Variants in GAP43 observed in about 807,000 individuals in gnomAD.
GAP43 encodes growth associated protein 43.
A neutral mutation model predicts 18.6 loss-of-function variants in GAP43; 6 were observed. The observed-to-expected ratio is 0.32, with a 90% CI of 0.18 to 0.64. GAP43 has a LOEUF of 0.64. Among genes scored for constraint, GAP43 ranks in the 30% least tolerant of loss-of-function variants. The pLI is 0.78. For synonymous variants in GAP43, 115 were observed against 111.4 expected, an observed-to-expected ratio of 1.03 and a Z score of -0.20; for missense variants, 292 against 295.5, an observed-to-expected ratio of 0.99 and a Z score of 0.09.
At chr3:115,656,381 T>C (rs896565416) in intron 1 of GAP43, among the ~76,000 whole-genome samples, 1 of 152,090 alleles carries the variant, frequency 6.6e-6, no homozygotes, top group Non-Finnish European at 1.5e-5. Context: ...CTAAGGACCA[T>C]AGATGCAGCC....
At chr3:115,648,632 G>A (rs1424141566) in intron 1 of GAP43, among the ~76,000 whole-genome samples, 5 of 152,084 alleles carry the variant, frequency 3.3e-5, no homozygotes, top group Admixed American at 2.6e-4. Context: ...GTCCAGAAGT[G>A]GAGGCAGAGG....
intron 2 of GAP43, among the ~76,000 whole-genome samples, chr3:115,710,066 CTGTG>C (rs1298435003): frequency 6.6e-6 from 1 of 152,098 alleles, no homozygotes; most frequent in Non-Finnish European, 1.5e-5. Context: ...ATTGGCACTC[CTGTG>C]AGTTCACTGT....
intron 2 of GAP43, among the ~76,000 whole-genome samples, chr3:115,683,694 T>TA (rs1255970445): frequency 2.6e-5 from 4 of 152,230 alleles, no homozygotes. Flanking sequence ...CAAGGGTTAA[T>TA]AAAACCTTGG....
chr3:115,640,880 G>A lies in GAP43; in HGVS notation c.30+17161G>A, dbSNP rs192641309. On this transcript the variant is annotated intron_variant, in intron 1 of 2. Transcript: ENST00000305124. ...ATAAAACTGGTACTATTTTCTCCACGTGAAATTCTCTTTCTTTCTCTTTTT... is the reference window on the plus strand; with the variant it reads ...ATAAAACTGGTACTATTTTCTCCACATGAAATTCTCTTTCTTTCTCTTTTT... Among the ~76,000 whole-genome samples the A allele has an allele frequency of 3.0e-3, 460 of 151,812 alleles. 1 individual carries two copies. The highest frequency in any genetic ancestry group is 0.01 in the African/African-American group (430 of 41,444).
intron 2 of GAP43, among the ~76,000 whole-genome samples, chr3:115,708,940 GTTTT>G (rs3086974): frequency 0.47 from 46,946 of 99,966 alleles, 9,680 homozygotes; most frequent in East Asian, 0.68. Context: ...AACTGGCTGG[GTTTT>G]TTTTTTTTTT....
At chr3:115,719,339 C>T (rs1456852568) in intron 2 of GAP43, among the ~76,000 whole-genome samples, 1 of 152,042 alleles carries the variant, frequency 6.6e-6, no homozygotes, top group East Asian at 1.9e-4. Flanking sequence ...TAAAGTTGAC[C>T]ATTGGCTGGC....
At chr3:115,626,679 T>G (rs987438353) in intron 1 of GAP43, among the ~76,000 whole-genome samples, 11 of 152,224 alleles carry the variant, frequency 7.2e-5, no homozygotes, top group Non-Finnish European at 1.5e-4. Context: ...TATGAGGTGT[T>G]TCTTTTGTTG....
chr3:115,653,047 G>A (rs1455147373), intron 1 of GAP43, among the ~76,000 whole-genome samples: 1 of 152,190 alleles, frequency 6.6e-6, no homozygotes, highest in African/African-American at 2.4e-5. Flanking sequence ...ACTCAAATGA[G>A]AGGGAAGGCA....
chr3:115,640,921 C>A (rs1384455458), intron 1 of GAP43, among the ~76,000 whole-genome samples: 4 of 144,632 alleles, frequency 2.8e-5, no homozygotes, highest in African/African-American at 9.8e-5. Context: ...TTCTTTCTTT[C>A]CTTCTTTTTT....
intron 2 of GAP43, among the ~76,000 whole-genome samples, chr3:115,716,456 G>C (rs993699609): frequency 1.3e-5 from 2 of 151,798 alleles, no homozygotes; most frequent in East Asian, 1.9e-4. Flanking sequence ...TTTGGATGTA[G>C]AATTTTTAAA....
chr3:115,632,235 A>C (rs1708269178), intron 1 of GAP43, among the ~76,000 whole-genome samples: 1 of 151,806 alleles, frequency 6.6e-6, no homozygotes, highest in African/African-American at 2.4e-5. Flanking sequence ...CATCCATCAC[A>C]TGAGGGCCCA....
At chr3:115,656,458 A>C (rs1185315754) in intron 1 of GAP43, among the ~76,000 whole-genome samples, 1 of 152,156 alleles carries the variant, frequency 6.6e-6, no homozygotes, top group African/African-American at 2.4e-5. Flanking sequence ...AGCATCTCTG[A>C]AAGTTGAACC....
At chr3:115,716,717 A>AATATATATATATATAT (rs3995850) in intron 2 of GAP43, among the ~76,000 whole-genome samples, 1 of 43,894 alleles carries the variant, frequency 2.3e-5, no homozygotes, top group South Asian at 9.0e-4. Flanking sequence ...ATCTCAGACA[A>AATATATATATATATAT]ATATATATAT....
In GAP43 at chr3:115,672,465, CACTT is replaced by C. The variant is rs1459032151; in HGVS notation, c.31-3543_31-3540del. 3.9e-5 allele frequency among the ~76,000 whole-genome samples: 6 copies of C among 152,206 alleles called. 1 individual carries two copies. In the Middle Eastern group the frequency reaches 0.014, roughly 345 times the overall value. ...TACACAACAAAATACACTCCCAGTC[CACTT>C]ACTTTTATACTGTACTGTGAAAAGA... On this transcript the variant is annotated intron_variant, in intron 1 of 2. Coordinates refer to ENST00000305124, the MANE Select transcript of GAP43 (RefSeq NM_002045.4).
intron 1 of GAP43, among the ~76,000 whole-genome samples, chr3:115,652,327 T>G (rs1163965918): frequency 6.6e-6 from 1 of 150,646 alleles, no homozygotes; most frequent in Non-Finnish European, 1.5e-5. Context: ...TCTATATTCC[T>G]GTATTCCTGA....
chr3:115,650,610 G>A (rs561919221), intron 1 of GAP43, among the ~76,000 whole-genome samples: 2 of 151,990 alleles, frequency 1.3e-5, no homozygotes, highest in South Asian at 4.2e-4. Context: ...GGTTCTTATG[G>A]CATTGCACTG....
intron 1 of GAP43, among the ~76,000 whole-genome samples, chr3:115,642,172 A>T (rs1168758969): frequency 6.6e-6 from 1 of 152,102 alleles, no homozygotes; most frequent in Non-Finnish European, 1.5e-5. Flanking sequence ...CTCAGCATTT[A>T]TGTGATTCAG....
intron 2 of GAP43, among the ~76,000 whole-genome samples, chr3:115,690,794 C>T (rs1197431751): frequency 2.8e-4 from 35 of 125,776 alleles, no homozygotes; most frequent in African/African-American, 1.1e-3. Flanking sequence ...CTCCCTCTGT[C>T]GCCCAGGCTG....
intron 1 of GAP43, among the ~76,000 whole-genome samples, chr3:115,663,122 C>T (rs887509810): frequency 2.0e-5 from 3 of 152,170 alleles, no homozygotes; most frequent in Non-Finnish European, 4.4e-5. Context: ...TCTCCACAAC[C>T]TATGCTGCAT....
Sources: gnomAD v4.1 joint callset for allele counts (sites outside exome capture counted in the v4.1 genomes callset) on GRCh38, gnomAD v4.1.1 for gene constraint, MANE v1.5 for transcripts, NCBI Gene and HGNC (gene_info 2026-07-23, HGNC 2026-07-21) for gene names.